Variants in TINAG observed in about 807,000 individuals in gnomAD.
TINAG encodes the protein tubulointerstitial nephritis antigen.
In TINAG, 83 loss-of-function variants were observed where a neutral mutation model predicts 72.7. The observed-to-expected ratio is 1.14, with a 90% confidence interval of 0.96 to 1.37. The LOEUF (loss-of-function observed/expected upper bound fraction) is 1.37. Ranked by LOEUF, TINAG falls within the 40% of genes most tolerant of loss-of-function variation. TINAG has a pLI of 0.00. For missense variants in TINAG, 685 were observed against 576.6 expected (o/e 1.19, Z -1.93); for synonymous variants, 234 against 189.9 (o/e 1.23, Z -1.91).
At chr6:54,346,138 C>T (rs1785115976) in intron 5 of TINAG, among the ~76,000 whole-genome samples, 1 of 151,990 alleles carries the variant, frequency 6.6e-6, no homozygotes, top group South Asian at 2.1e-4. Context: ...TTCATAATCT[C>T]ATCACTCACA....
At chr6:54,360,662 A>G (rs1562173042) in intron 9 of TINAG, among the ~76,000 whole-genome samples, 1 of 151,498 alleles carries the variant, frequency 6.6e-6, no homozygotes, top group Non-Finnish European at 1.5e-5. Context: ...GAATTAGTGC[A>G]ATAACTTAAA....
chr6:54,345,278 G>A (rs1785093851), intron 5 of TINAG, among the ~76,000 whole-genome samples: 1 of 152,122 alleles, frequency 6.6e-6, no homozygotes, highest in Non-Finnish European at 1.5e-5. Context: ...CCATCATTGA[G>A]ATTCAGAAAT....
intron 7 of TINAG, among the ~76,000 whole-genome samples, chr6:54,351,058 G>A (rs1328850146): frequency 6.6e-6 from 1 of 151,902 alleles, no homozygotes; most frequent in African/African-American, 2.4e-5. Flanking sequence ...AAAAAAATTA[G>A]AGGTACTAGT....
At chr6:54,358,583 G>A (rs777168979) in intron 9 of TINAG, among the ~76,000 whole-genome samples, 11 of 151,440 alleles carry the variant, frequency 7.3e-5, no homozygotes, top group Non-Finnish European at 1.5e-4. Flanking sequence ...GATAGCTGAG[G>A]CACTCTTCAG....
rs569181544 is a variant in TINAG, at chr6:54,338,223, GAAC to G, written c.625-4998_625-4996del. Among the ~76,000 whole-genome samples, 318 of 152,214 alleles carry G rather than the reference GAAC, an allele frequency of 2.1e-3. 2 individuals are homozygous for G. Among genetic ancestry groups the G allele is most frequent in the African/African-American group, 7.2e-3 (299 of 41,538 alleles). On this transcript the variant is annotated intron_variant, in intron 4 of 10. Transcript: ENST00000259782. ...ACTGTGGTAAAATTGACTATGGCTT[GAAC>G]AACACAGTGGAACCTAATTGATAAC...
At chr6:54,382,397 A>G (rs1562187214) in intron 10 of TINAG, among the ~76,000 whole-genome samples, 1 of 152,116 alleles carries the variant, frequency 6.6e-6, no homozygotes. Context: ...TATAAACAAT[A>G]CTCATTGAAT....
In TINAG at chr6:54,340,222, T is replaced by C. The variant is rs145792908; in HGVS notation, c.625-3004T>C. On this transcript the variant is annotated intron_variant, in intron 4 of 10. Transcript: ENST00000259782. Reference sequence around the variant, plus strand: ...TTTGGCTAATACTGATTTGGAAATATGGTTAGATCCTGATTAAAATATTTT... The same window carrying C: ...TTTGGCTAATACTGATTTGGAAATACGGTTAGATCCTGATTAAAATATTTT... Among the ~76,000 whole-genome samples the C allele has an allele frequency of 6.1e-3, 924 of 152,222 alleles. 13 individuals are homozygous for C. Among genetic ancestry groups the C allele is most frequent in the African/African-American group, 0.021 (877 of 41,562 alleles).
chr6:54,358,556 A>T (rs1430544858), intron 9 of TINAG, among the ~76,000 whole-genome samples: 2 of 149,614 alleles, frequency 1.3e-5, no homozygotes, highest in African/African-American at 2.5e-5. Flanking sequence ...AAAAAAGATT[A>T]GGGAGAAATT....
chr6:54,378,393 A>G (rs1763847077), intron 9 of TINAG, among the ~76,000 whole-genome samples: 1 of 152,160 alleles, frequency 6.6e-6, no homozygotes, highest in African/African-American at 2.4e-5. Context: ...CTCTGGGTTT[A>G]GAATGACTGG....
intron 4 of TINAG, among the ~76,000 whole-genome samples, chr6:54,341,383 C>T (rs1234729788): frequency 1.3e-5 from 2 of 152,144 alleles, no homozygotes; most frequent in African/African-American, 4.8e-5. Context: ...GTCATCAAAA[C>T]CCCCAAATCA....
intron 4 of TINAG, 29 bp downstream of exon 4, chr6:54,326,945 G>T (rs181061840): frequency 1.9e-6 from 3 of 1,612,860 alleles, no homozygotes; most frequent in Non-Finnish European, 2.5e-6. Flanking sequence ...TCACGTATGT[G>T]CATGTATTTG....
chr6:54,321,367 G>A lies in TINAG; in HGVS notation c.490G>A (p.Val164Ile). The A allele has an allele frequency of 6.2e-7, 1 of 1,612,706 alleles. No homozygotes were observed. The highest frequency in any genetic ancestry group is 8.5e-7 in the Non-Finnish European group (1 of 1,178,936). The change falls in exon 3 of 11, where the codon GTC (valine) becomes ATC (isoleucine). Residue 164 changes from valine (V) to isoleucine (I), a missense_variant. Transcript: ENST00000259782. The stretch of plus-strand genomic sequence containing the variant: ...TGTTCGTTCAGAATTAATTGAACAG[G>A]TCAATAAAGGAGACTATGGGTGAGA... The part of the protein sequence containing the change: ...CLVRSELIEQ[V>I]NKGDYGWTAQ...
intron 5 of TINAG, among the ~76,000 whole-genome samples, chr6:54,343,568 A>G (rs987457362): frequency 5.9e-5 from 9 of 151,794 alleles, no homozygotes; most frequent in Non-Finnish European, 1.0e-4. Context: ...AATTTTAAAT[A>G]GAGAGCGAAT....
At chr6:54,383,304 T>G (rs1764004729) in intron 10 of TINAG, among the ~76,000 whole-genome samples, 1 of 152,168 alleles carries the variant, frequency 6.6e-6, no homozygotes, top group Non-Finnish European at 1.5e-5. Flanking sequence ...AGGAAAGTTT[T>G]ATTTCTGCAC....
At chr6:54,371,988 T>G (rs1289393059) in intron 9 of TINAG, among the ~76,000 whole-genome samples, 1 of 115,468 alleles carries the variant, frequency 8.7e-6, no homozygotes, top group African/African-American at 4.1e-5. Context: ...CATGTTTTTT[T>G]TTTTTTTTTT....
intron 10 of TINAG, among the ~76,000 whole-genome samples, chr6:54,382,804 G>T (rs1763989792): frequency 1.3e-5 from 2 of 152,084 alleles, no homozygotes; most frequent in South Asian, 4.1e-4. Flanking sequence ...AAGAACAATA[G>T]ATTTTCTCCA....
At chr6:54,321,900 T>C (rs915284991) in intron 3 of TINAG, among the ~76,000 whole-genome samples, 2 of 152,176 alleles carry the variant, frequency 1.3e-5, no homozygotes, top group Non-Finnish European at 2.9e-5. Context: ...TTTACTTTGC[T>C]AGTACACAAA....
At chr6:54,385,358 T>G (rs1244802369) in intron 10 of TINAG, among the ~76,000 whole-genome samples, 4 of 151,996 alleles carry the variant, frequency 2.6e-5, no homozygotes, top group Non-Finnish European at 5.9e-5. Flanking sequence ...TAAGAGGATA[T>G]TATTAAAAAG....
At chr6:54,338,719 CAAAA>C (rs57231980) in intron 4 of TINAG, among the ~76,000 whole-genome samples, 836 of 56,976 alleles carry the variant, frequency 0.015, 3 homozygotes, top group African/African-American at 0.044. Context: ...GACTCTGTCT[CAAAA>C]AAAAAAAAAA....
Sources: gnomAD v4.1 joint callset for allele counts (sites outside exome capture counted in the v4.1 genomes callset) on GRCh38, gnomAD v4.1.1 for gene constraint, MANE v1.5 for transcripts, NCBI Gene and HGNC (gene_info 2026-07-23, HGNC 2026-07-21) for gene names.